Variants in TCAIM observed in about 807,000 individuals in gnomAD.
TCAIM encodes the protein T-cell activation inhibitor, mitochondrial.
TCAIM carries 36 observed loss-of-function variants against 58.6 expected under a neutral mutation model. That is an observed-to-expected ratio of 0.61 (90% CI 0.47 to 0.81). The LOEUF is 0.81. TCAIM is among the 30% of genes least tolerant of loss of function. TCAIM has a pLI of 0.00. For missense variants in TCAIM, 466 were observed against 579.6 expected, an observed-to-expected ratio of 0.80 and a Z score of 2.01; for synonymous variants, 172 against 193.6, an observed-to-expected ratio of 0.89 and a Z score of 0.93.
In TCAIM at chr3:44,407,399, A is replaced by C. The variant is rs1313359458; in HGVS notation, c.1251-43A>C. On this transcript the variant is annotated intron_variant, in intron 10 of 10. Coordinates refer to ENST00000342649, the MANE Select transcript of TCAIM (RefSeq NM_173826.4). ...GTGTGTTCTTTTGTTTGGTTATGAC[A>C]ATATTTGTTCTTATGACAATATTTT... The C allele has an allele frequency of 2.3e-6, 3 of 1,314,804 alleles. No individual in the cohort carries two copies. The East Asian group carries it at 7.6e-5, about 33-fold the overall frequency. 81.4% of individuals were successfully genotyped at this position (1,314,804 alleles called of 1,614,324 possible).
At chr3:44,386,929 G>T (rs112125202) in intron 5 of TCAIM, among the ~76,000 whole-genome samples, 1 of 152,202 alleles carries the variant, frequency 6.6e-6, no homozygotes, top group Non-Finnish European at 1.5e-5. Context: ...AGCCTGAAGC[G>T]TGGGGACTGG....
At chr3:44,345,309 A>T (rs1055306863) in intron 1 of TCAIM, among the ~76,000 whole-genome samples, 2 of 151,946 alleles carry the variant, frequency 1.3e-5, no homozygotes, top group Admixed American at 6.5e-5. Context: ...TAAACAGAAG[A>T]CGCAAGGTCC....
chr3:44,365,334 C>CT (rs1377547976), intron 4 of TCAIM, among the ~76,000 whole-genome samples: 1,961 of 146,144 alleles, frequency 0.013, 35 homozygotes, highest in Admixed American at 0.065. Context: ...GTTGCAAATA[C>CT]TTTTTTTTTT....
At chr3:44,341,816 C>T (rs547674695) in intron 1 of TCAIM, among the ~76,000 whole-genome samples, 2 of 152,172 alleles carry the variant, frequency 1.3e-5, no homozygotes, top group South Asian at 4.2e-4. Context: ...AAAAGATAGC[C>T]CCTACTTTCA....
In TCAIM at chr3:44,367,677, G is replaced by C. The variant is rs1701402545; in HGVS notation, c.541G>C (p.Glu181Gln). ...TGFKDPDEDL[E>Q]QVSRVETTLT... ...ATTCAAGGACCCTGATGAAGACCTT[G>C]AACAAGTCTCGAGAGTGGAAACAAC... The change falls in exon 5 of 11, where the codon GAA becomes CAA. Residue 181 changes from glutamate to glutamine, a missense_variant. By Grantham distance (29) the Glu-to-Gln change is conservative (BLOSUM62 2). Coordinates refer to ENST00000342649, the MANE Select transcript of TCAIM (RefSeq NM_173826.4). 3.7e-6 allele frequency: 6 copies of C among 1,613,382 alleles called. No homozygotes were observed. Among genetic ancestry groups the C allele is most frequent in the Non-Finnish European group, 4.2e-6 (5 of 1,179,546 alleles).
intron 4 of TCAIM, among the ~76,000 whole-genome samples, chr3:44,366,627 AT>A (rs11310203): frequency 0.65 from 96,301 of 148,358 alleles, 31,858 homozygotes; most frequent in East Asian, 0.97. Flanking sequence ...CGCCCGGCTA[AT>A]TTTTTTTTTT....
intron 1 of TCAIM, among the ~76,000 whole-genome samples, chr3:44,339,088 C>G (rs1700798772): frequency 2.0e-5 from 2 of 98,772 alleles, no homozygotes; most frequent in Non-Finnish European, 4.1e-5. Context: ...GAAATTGTTA[C>G]GTACTAAATC....
At chr3:44,396,073 T>C (rs1183039811) in intron 6 of TCAIM, among the ~76,000 whole-genome samples, 1 of 152,238 alleles carries the variant, frequency 6.6e-6, no homozygotes, top group Non-Finnish European at 1.5e-5. Flanking sequence ...ATTGTAACAA[T>C]GTGAAAAAGA....
At chr3:44,341,802 A>G (rs534254373) in intron 1 of TCAIM, among the ~76,000 whole-genome samples, 2 of 152,332 alleles carry the variant, frequency 1.3e-5, no homozygotes, top group South Asian at 2.1e-4. Flanking sequence ...CAAAAGTTCT[A>G]TGAAAAAGAT....
chr3:44,361,287 T>C, intron 3 of TCAIM, 78 bp from the exon 4 acceptor site: 1 of 1,272,116 alleles, frequency 7.9e-7, no homozygotes, highest in Non-Finnish European at 1.1e-6. Flanking sequence ...TCAATGTGTT[T>C]AAAAGGTTAG....
intron 2 of TCAIM, among the ~76,000 whole-genome samples, chr3:44,356,827 A>C (rs1433624141): frequency 3.3e-5 from 5 of 150,970 alleles, no homozygotes; most frequent in Admixed American, 3.3e-4. Context: ...AAAAAAAAAA[A>C]CAGTCGGCGG....
At position 44,392,997 on chromosome 3, in the gene TCAIM, C is replaced by A. The variant is rs748888804; in HGVS notation, c.695+20C>A. 3.8e-6 allele frequency: 6 copies of A among 1,588,350 alleles called. No homozygotes were observed. The South Asian group carries it at 5.7e-5, about 15-fold the overall frequency. The stretch of plus-strand genomic sequence containing the variant: ...TATCAGGTAAGAAAGAAGAGAGAAC[C>A]TAATTTAGAAATTGAAATGAATATG... On this transcript the variant is annotated intron_variant, in intron 6 of 10. Transcript: ENST00000342649.
At chr3:44,400,136 C>G (rs1336925670) in intron 8 of TCAIM, among the ~76,000 whole-genome samples, 4 of 152,104 alleles carry the variant, frequency 2.6e-5, no homozygotes. Context: ...TGGAACCTCA[C>G]AAATTCCCAT....
chr3:44,363,920 CTTTTTTT>C (rs56361211), intron 4 of TCAIM, among the ~76,000 whole-genome samples: 9 of 67,390 alleles, frequency 1.3e-4, no homozygotes, highest in Non-Finnish European at 1.8e-4. Flanking sequence ...GCAAGTCTGT[CTTTTTTT>C]TTTTTTTTTT....
At chr3:44,382,782 CT>C (rs1009624695) in intron 5 of TCAIM, among the ~76,000 whole-genome samples, 1 of 152,110 alleles carries the variant, frequency 6.6e-6, no homozygotes, top group African/African-American at 2.4e-5. Context: ...CTAAAAGACA[CT>C]ATCAACAGAG....
chr3:44,376,179 T>C (rs561059109), intron 5 of TCAIM, among the ~76,000 whole-genome samples: 1 of 152,324 alleles, frequency 6.6e-6, no homozygotes, highest in East Asian at 1.9e-4. Flanking sequence ...AGCAGGACTA[T>C]TAATGGGTAT....
intron 1 of TCAIM, among the ~76,000 whole-genome samples, chr3:44,339,506 C>A (rs1305750763): frequency 6.6e-6 from 1 of 152,164 alleles, no homozygotes; most frequent in Non-Finnish European, 1.5e-5. Context: ...AGGTATCTTT[C>A]CACCAAATTT....
chr3:44,395,870 C>T (rs189991646), intron 6 of TCAIM, among the ~76,000 whole-genome samples: 15 of 152,234 alleles, frequency 9.9e-5, no homozygotes, highest in African/African-American at 3.6e-4. Context: ...GCCTTTAGTC[C>T]CAGCTACTCG....
chr3:44,369,220 A>G (rs1701425657), intron 5 of TCAIM, among the ~76,000 whole-genome samples: 1 of 152,202 alleles, frequency 6.6e-6, no homozygotes, highest in African/African-American at 2.4e-5. Context: ...TATGTGGGAC[A>G]CGGCACATAC....
Sources: gnomAD v4.1 joint callset for allele counts (sites outside exome capture counted in the v4.1 genomes callset) on GRCh38, gnomAD v4.1.1 for gene constraint, MANE v1.5 for transcripts, NCBI Gene and HGNC (gene_info 2026-07-23, HGNC 2026-07-21) for gene names.